Variants in PCDHA5 observed in about 807,000 individuals in gnomAD.
PCDHA5 encodes protocadherin alpha 5, also known as protocadherin alpha-5.
A neutral mutation model predicts 61.6 loss-of-function variants in PCDHA5; 43 were observed. That is an observed-to-expected ratio of 0.70 (90% CI 0.55 to 0.90). The LOEUF (loss-of-function observed/expected upper bound fraction) is 0.90, where lower values mean the gene tolerates loss of function less well. PCDHA5 is among the 40% of genes least tolerant of loss of function. PCDHA5 has a pLI of 0.00. For missense variants in PCDHA5, 1,298 were observed against 1,222.7 expected (o/e 1.06, Z -0.92); for synonymous variants, 627 against 543.9 (o/e 1.15, Z -2.13).
intron 1 of PCDHA5, among the ~76,000 whole-genome samples, chr5:140,837,613 G>A (rs1775147694): frequency 6.7e-6 from 1 of 149,168 alleles, no homozygotes. Flanking sequence ...TTTATAATTT[G>A]CCCCTTCCTT....
chr5:140,870,853 G>C (rs1554164757), intron 1 of PCDHA5: 2 of 1,613,888 alleles, frequency 1.2e-6, no homozygotes, highest in South Asian at 2.2e-5. Context: ...ACCGCGGTCG[G>C]TGGGTGCGGG....
chr5:140,966,410 A>G lies in PCDHA5; in HGVS notation c.2353-12539A>G, dbSNP rs530944149. The G allele has an allele frequency of 1.9e-3, 807 of 419,248 alleles. 2 individuals carry two copies. Among genetic ancestry groups the G allele is most frequent in the South Asian group, 7.3e-3 (70 of 9,536 alleles). The allele number at this position is 419,248 out of a possible 1,614,324, so 26.0% of individuals were successfully genotyped here. The stretch of plus-strand genomic sequence containing the variant: ...GTCCGCCACTTCGGCGCGGAATCAG[A>G]GCAGGACTTGCTGAGCCCTCCTACC... On this transcript the variant is annotated intron_variant, in intron 1 of 3. Coordinates refer to ENST00000529859, the MANE Select transcript of PCDHA5 (RefSeq NM_018908.3).
intron 1 of PCDHA5, chr5:140,968,943 T>G (rs1429261485): frequency 1.2e-6 from 2 of 1,614,128 alleles, no homozygotes; most frequent in Non-Finnish European, 1.7e-6. Context: ...ATCATCATTT[T>G]GAGCATCATC....
chr5:140,870,510 A>T, intron 1 of PCDHA5: 1 of 1,614,220 alleles, frequency 6.2e-7, no homozygotes, highest in Non-Finnish European at 8.5e-7. Context: ...ACAACCCACC[A>T]GGCTGCCACA....
chr5:140,877,255 C>A (rs1554169516), intron 1 of PCDHA5: 2 of 1,613,708 alleles, frequency 1.2e-6, no homozygotes, highest in Non-Finnish European at 8.5e-7. Flanking sequence ...GGCGAAAGTG[C>A]GCGCGGTGGA....
At chr5:140,830,508 C>T in intron 1 of PCDHA5, 1 of 1,415,164 alleles carries the variant, frequency 7.1e-7, no homozygotes, top group Non-Finnish European at 9.4e-7. Flanking sequence ...TCATAATTAA[C>T]AGTTAATTTT....
At chr5:140,864,124 T>C (rs528215401) in intron 1 of PCDHA5, 4 of 152,368 alleles carry the variant, frequency 2.6e-5, no homozygotes, top group South Asian at 2.1e-4. Flanking sequence ...TGAATTAGAC[T>C]GAGTGGCTGT....
chr5:140,926,212 T>G (rs1261895253), intron 1 of PCDHA5, among the ~76,000 whole-genome samples: 2 of 152,204 alleles, frequency 1.3e-5, no homozygotes, highest in Non-Finnish European at 2.9e-5. Context: ...GGGCTCCTGT[T>G]TCCTTAAGCC....
intron 1 of PCDHA5, chr5:140,884,345 C>A (rs782318945): frequency 1.2e-6 from 2 of 1,613,916 alleles, no homozygotes; most frequent in African/African-American, 2.7e-5. Flanking sequence ...AGAAGCGGCG[C>A]TGGTGGATGT....
chr5:140,877,054 C>T (rs1226224209), intron 1 of PCDHA5: 3 of 1,612,658 alleles, frequency 1.9e-6, no homozygotes, highest in African/African-American at 2.7e-5. Flanking sequence ...CCACGAGGAG[C>T]TGGAGCTGCT....
chr5:140,849,863 G>T (rs2150454576), intron 1 of PCDHA5: 1 of 1,598,620 alleles, frequency 6.3e-7, no homozygotes, highest in East Asian at 2.2e-5. Flanking sequence ...CAGCGTTCGC[G>T]CAGTCCGAGT....
Position 140,828,920 on chromosome 5 carries a change from A to G in PCDHA5, c.2352+4793A>G, listed in dbSNP as rs2150160817. 8.3e-5 allele frequency: 134 copies of G among 1,614,098 alleles called. No homozygotes were observed. Among genetic ancestry groups the G allele is most frequent in the Non-Finnish European group, 1.1e-4 (127 of 1,180,054 alleles). ...TCGGGATGAAGGAGCGAATGGGGCA[A>G]TTTCATATTCTTTTAATAGCCTTGT... On this transcript the variant is annotated intron_variant, in intron 1 of 3. Transcript: ENST00000529859.
intron 1 of PCDHA5, among the ~76,000 whole-genome samples, chr5:140,978,316 A>AC (rs1370469532): frequency 5.4e-4 from 83 of 152,358 alleles, no homozygotes; most frequent in African/African-American, 1.9e-3. Context: ...AGGAGCAGGA[A>AC]CAAGTACAAG....
intron 1 of PCDHA5, among the ~76,000 whole-genome samples, chr5:140,902,660 C>A (rs1322922634): frequency 1.3e-5 from 2 of 152,116 alleles, no homozygotes; most frequent in Non-Finnish European, 2.9e-5. Flanking sequence ...GCACCTGTCA[C>A]CCAAGCAGTG....
intron 1 of PCDHA5, chr5:140,967,256 G>T: frequency 6.2e-7 from 1 of 1,613,524 alleles, no homozygotes; most frequent in Non-Finnish European, 8.5e-7. Flanking sequence ...GGTGGCGCCT[G>T]GAGCGCGCTT....
chr5:141,007,915 A>G (rs561873534), intron 3 of PCDHA5, among the ~76,000 whole-genome samples: 5 of 152,308 alleles, frequency 3.3e-5, no homozygotes, highest in South Asian at 2.1e-4. Flanking sequence ...TGAAGATGCT[A>G]TATAAGCTGG....
rs183230708 is a variant in PCDHA5, at chr5:140,914,004, A to G, written c.2353-64945A>G. Among the ~76,000 whole-genome samples, 112 of 152,288 alleles carry G rather than the reference A, an allele frequency of 7.4e-4. 1 individual carries two copies. Among genetic ancestry groups the G allele is most frequent in the Middle Eastern group, 6.8e-3 (2 of 294 alleles). On this transcript the variant is annotated intron_variant, in intron 1 of 3. Coordinates refer to ENST00000529859, the MANE Select transcript of PCDHA5 (RefSeq NM_018908.3). ...TTGTATTGTGACTAGCATATGGTCT[A>G]TCTTTGAGAATGATCCACGTGCTGA...
chr5:140,835,892 G>T (rs1774026937), intron 1 of PCDHA5: 1 of 1,612,006 alleles, frequency 6.2e-7, no homozygotes, highest in Non-Finnish European at 8.5e-7. Context: ...GCGAGCGCGC[G>T]CTGTCGAGCT....
In PCDHA5 at chr5:140,870,868, G is replaced by T. The variant is rs550915753; in HGVS notation, c.2352+46741G>T. 2.5e-6 allele frequency: 4 copies of T among 1,613,944 alleles called. No homozygotes were observed. The South Asian group carries it at 3.3e-5, about 13-fold the overall frequency. ...ACCGCGGTCGGTGGGTGCGGGCCAC[G>T]TGGTGGCGAAGGTGCGCGCAGTGGA... On this transcript the variant is annotated intron_variant, in intron 1 of 3. Coordinates refer to ENST00000529859, the MANE Select transcript of PCDHA5 (RefSeq NM_018908.3).
Sources: gnomAD v4.1 joint callset for allele counts (sites outside exome capture counted in the v4.1 genomes callset) on GRCh38, gnomAD v4.1.1 for gene constraint, MANE v1.5 for transcripts, NCBI Gene and HGNC (gene_info 2026-07-23, HGNC 2026-07-21) for gene names.